The following KLHL28 variants were observed in gnomAD, a reference collection of about 807,000 sequenced individuals.
The protein encoded by KLHL28 is kelch-like protein 28.
A neutral mutation model predicts 48.3 loss-of-function variants in KLHL28; 22 were observed. The observed-to-expected ratio is 0.46, with a 90% CI of 0.33 to 0.65. The LOEUF is 0.65. Among genes scored for constraint, KLHL28 ranks in the 30% least tolerant of loss-of-function variants. KLHL28 has a pLI of 0.03. For synonymous variants in KLHL28, 243 were observed against 242.4 expected (o/e 1.00, Z -0.02); for missense variants, 527 against 704.3 (o/e 0.75, Z 2.85).
intron 4 of KLHL28, among the ~76,000 whole-genome samples, chr14:44,930,907 G>GT (rs1443989574): frequency 6.6e-6 from 1 of 151,996 alleles, no homozygotes; most frequent in Non-Finnish European, 1.5e-5. Context: ...AACCCTTTTT[G>GT]ATCAACTATA....
chr14:44,960,539 C>T (rs1385192850), intron 1 of KLHL28, among the ~76,000 whole-genome samples: 1 of 152,272 alleles, frequency 6.6e-6, no homozygotes, highest in East Asian at 1.9e-4. Context: ...TGTTTTTCAC[C>T]TCCCTGTCTT....
At chr14:44,937,655 T>C (rs1566566153) in intron 2 of KLHL28, among the ~76,000 whole-genome samples, 1 of 152,238 alleles carries the variant, frequency 6.6e-6, no homozygotes, top group African/African-American at 2.4e-5. Flanking sequence ...TAGTTCATTT[T>C]CTGCCGATAT....
intron 1 of KLHL28, among the ~76,000 whole-genome samples, chr14:44,955,116 A>C (rs1426012568): frequency 6.6e-6 from 1 of 152,064 alleles, no homozygotes; most frequent in Non-Finnish European, 1.5e-5. Context: ...GGTATGGGAA[A>C]AAGAAGGTAA....
At chr14:44,931,562 T>A (rs753901142) in intron 3 of KLHL28, 21 bp from the exon 4 acceptor site, 7 of 1,572,510 alleles carry the variant, frequency 4.5e-6, no homozygotes, top group Admixed American at 1.7e-5. Context: ...TTAAAAAAAA[T>A]TTAATTTACA....
chr14:44,943,079 T>C (rs77221389), intron 2 of KLHL28, among the ~76,000 whole-genome samples: 7,757 of 152,254 alleles, frequency 0.051, 661 homozygotes, highest in African/African-American at 0.18. Context: ...TGATAGATTC[T>C]ATGATAAAAG....
intron 3 of KLHL28, among the ~76,000 whole-genome samples, chr14:44,933,082 C>T (rs977620068): frequency 1.3e-5 from 2 of 152,092 alleles, no homozygotes; most frequent in Admixed American, 1.3e-4. Context: ...TTTAAATCAT[C>T]TCTAGATTAC....
At chr14:44,955,649 G>A (rs923789201) in intron 1 of KLHL28, among the ~76,000 whole-genome samples, 1 of 152,166 alleles carries the variant, frequency 6.6e-6, no homozygotes, top group African/African-American at 2.4e-5. Context: ...AGCTGGATGT[G>A]GTGGCACATG....
intron 2 of KLHL28, among the ~76,000 whole-genome samples, chr14:44,939,315 G>A (rs1883973803): frequency 6.6e-6 from 1 of 151,918 alleles, no homozygotes; most frequent in African/African-American, 2.4e-5. Context: ...ATGCCTTCAG[G>A]GCCTTTCTCC....
intron 1 of KLHL28, among the ~76,000 whole-genome samples, chr14:44,950,663 G>A (rs1405613359): frequency 1.3e-5 from 2 of 152,114 alleles, no homozygotes; most frequent in South Asian, 2.1e-4. Context: ...TGTATTATGT[G>A]ACCTTGGGAA....
At position 44,931,484 on chromosome 14, in the gene KLHL28, A is replaced by G. The variant is rs772320481; in HGVS notation, c.1401T>C (p.Asp467=). The G allele has an allele frequency of 6.2e-7, 1 of 1,614,078 alleles. No individual in the cohort carries two copies. Among genetic ancestry groups the G allele is most frequent in the Non-Finnish European group, 8.5e-7 (1 of 1,179,966 alleles). Residue 467 remains aspartate, a synonymous_variant, in exon 4 of 5, where the codon GAT becomes GAC. Coordinates refer to ENST00000396128, the MANE Select transcript of KLHL28 (RefSeq NM_017658.5). ...DSWEMVASMA[D]KRIHFGVGVM... ...CACCCACGCCAAAGTGAATCCTTTT[A>G]TCTGCCATGGATGCAACCATCTCCC...
In KLHL28 at chr14:44,945,379, T is replaced by C; in HGVS notation, c.550A>G (p.Ile184Val). The stretch of plus-strand genomic sequence containing the variant: ...ACATTCAAACAGTCATTGGAAACAA[T>C]TTCATCCAAGTCAGCATGTGTAAGC... ...FELTHADLDE[I>V]VSNDCLNVAT... The change falls in exon 2 of 5, where the codon ATT becomes GTT. Residue 184 changes from isoleucine to valine, a missense_variant. Coordinates refer to ENST00000396128, the MANE Select transcript of KLHL28 (RefSeq NM_017658.5). 6.2e-7 allele frequency: 1 copy of C among 1,614,166 alleles called. No individual in the cohort carries two copies. The highest frequency in any genetic ancestry group is 8.5e-7 in the Non-Finnish European group (1 of 1,180,028).
At chr14:44,929,636 C>T in intron 4 of KLHL28, among the ~76,000 whole-genome samples, 1 of 152,056 alleles carries the variant, frequency 6.6e-6, no homozygotes, top group East Asian at 1.9e-4. Flanking sequence ...TATATATCTC[C>T]TGTGGGTATG....
chr14:44,941,036 G>A (rs1483268962), intron 2 of KLHL28, among the ~76,000 whole-genome samples: 1 of 152,052 alleles, frequency 6.6e-6, no homozygotes, highest in Non-Finnish European at 1.5e-5. Flanking sequence ...GGAGGCAGAG[G>A]TTGCTGTGAG....
rs1883426462 is a variant in KLHL28, at chr14:44,927,838, GAC to G, written c.*1188_*1189del. ...TGCATATATTTCTGTTTTTAAGAAA[GAC>G]ATGTAATATCTAGCACAAGAAGAAA... On this transcript the variant is annotated 3_prime_UTR_variant, in exon 5 of 5. Transcript: ENST00000396128. 3 of 152,578 alleles carry G rather than the reference GAC, an allele frequency of 2.0e-5. No homozygotes were observed. The highest frequency in any genetic ancestry group is 1.5e-5 in the Non-Finnish European group (1 of 68,004). The allele number at this position is 152,578 out of a possible 1,614,324, so 9.5% of individuals were successfully genotyped here.
At position 44,928,949 on chromosome 14, in the gene KLHL28, G is replaced by T; in HGVS notation, c.*79C>A. ...TAAAAAGAAAGCAATGCAGCTTGTG[G>T]GTTTCAGAAAACTGGGCCATCCGGA... On this transcript the variant is annotated 3_prime_UTR_variant, in exon 5 of 5. Coordinates refer to ENST00000396128, the MANE Select transcript of KLHL28 (RefSeq NM_017658.5). 3 of 1,308,856 alleles carry T rather than the reference G, an allele frequency of 2.3e-6. No individual in the cohort carries two copies. Among genetic ancestry groups the T allele is most frequent in the Non-Finnish European group, 3.2e-6 (3 of 936,302 alleles). The allele number at this position is 1,308,856 out of a possible 1,614,324, so 81.1% of individuals were successfully genotyped here.
chr14:44,933,110 T>C (rs1436727402), intron 3 of KLHL28, among the ~76,000 whole-genome samples: 1 of 152,208 alleles, frequency 6.6e-6, no homozygotes, highest in African/African-American at 2.4e-5. Context: ...ACTATGCAAA[T>C]AGCTGTTATA....
At chr14:44,935,351 T>C (rs927621142) in intron 2 of KLHL28, among the ~76,000 whole-genome samples, 8 of 152,216 alleles carry the variant, frequency 5.3e-5, no homozygotes, top group Non-Finnish European at 1.0e-4. Flanking sequence ...ACTCTGTTTC[T>C]TGAACTGGTT....
At chr14:44,935,870 G>GTATATATA (rs1566564878) in intron 2 of KLHL28, among the ~76,000 whole-genome samples, 1 of 30,084 alleles carries the variant, frequency 3.3e-5, no homozygotes, top group Non-Finnish European at 9.1e-5. Flanking sequence ...ATGTGTATGT[G>GTATATATA]TATGTATATA....
chr14:44,937,426 C>A (rs541205932), intron 2 of KLHL28, among the ~76,000 whole-genome samples: 1 of 152,132 alleles, frequency 6.6e-6, no homozygotes, highest in South Asian at 2.1e-4. Flanking sequence ...GGATTACAGG[C>A]GTGATCCACT....
Sources: gnomAD v4.1 joint callset for allele counts (sites outside exome capture counted in the v4.1 genomes callset) on GRCh38, gnomAD v4.1.1 for gene constraint, MANE v1.5 for transcripts, NCBI Gene and HGNC (gene_info 2026-07-23, HGNC 2026-07-21) for gene names.